Variants in CPNE4 observed in about 807,000 individuals in gnomAD.
The protein encoded by CPNE4 is copine 4, also known as copine-4.
Under a neutral mutation model 67.9 loss-of-function variants are expected in CPNE4, and 25 were observed. The ratio of observed to expected loss-of-function variants is 0.37; its 90% confidence interval spans 0.27 to 0.51. The LOEUF (loss-of-function observed/expected upper bound fraction) is 0.51. CPNE4 is among the 20% of genes least tolerant of loss of function. The pLI is 0.93. For synonymous variants in CPNE4, 242 were observed against 244.9 expected, an observed-to-expected ratio of 0.99 and a Z score of 0.11; for missense variants, 464 against 690.8, an observed-to-expected ratio of 0.67 and a Z score of 3.68.
Position 132,034,972 on chromosome 3 carries a change from G to C in CPNE4, c.-407C>G. 1.0e-6 allele frequency: 1 copy of C among 985,568 alleles called. No individual in the cohort carries two copies. The highest frequency in any genetic ancestry group is 1.2e-6 in the Non-Finnish European group (1 of 830,128). The allele number at this position is 985,568 out of a possible 1,614,324, so 61.1% of individuals were successfully genotyped here. On this transcript the variant is annotated 5_prime_UTR_variant, in exon 1 of 16. Coordinates refer to ENST00000429747, the MANE Select transcript of CPNE4 (RefSeq NM_130808.3). ...AAAGAGAAGGGGACGAGCGGGTGGC[G>C]GGGAGATGGCAGCTTCTCACAGAGA...
At chr3:131,681,550 A>T (rs2080756134) in intron 6 of CPNE4, among the ~76,000 whole-genome samples, 1 of 152,038 alleles carries the variant, frequency 6.6e-6, no homozygotes. Context: ...TATTCCTTTT[A>T]GGATATTTTC....
At chr3:131,568,439 G>C (rs2107671681) in intron 10 of CPNE4, among the ~76,000 whole-genome samples, 1 of 152,108 alleles carries the variant, frequency 6.6e-6, no homozygotes, top group South Asian at 2.1e-4. Flanking sequence ...TCAGTGTGTG[G>C]AGGTGGCTAC....
chr3:131,894,100 A>G (rs2088225491), intron 2 of CPNE4, among the ~76,000 whole-genome samples: 1 of 151,926 alleles, frequency 6.6e-6, no homozygotes, highest in Non-Finnish European at 1.5e-5. Flanking sequence ...ACGACAACAA[A>G]TTTGATAACA....
chr3:132,008,324 G>C (rs532425924), intron 1 of CPNE4, among the ~76,000 whole-genome samples: 2 of 152,016 alleles, frequency 1.3e-5, no homozygotes, highest in Non-Finnish European at 2.9e-5. Context: ...TTTTATTTAA[G>C]GTTCATATGA....
chr3:132,008,210 A>G (rs1170284014), intron 1 of CPNE4, among the ~76,000 whole-genome samples: 1 of 152,186 alleles, frequency 6.6e-6, no homozygotes, highest in East Asian at 1.9e-4. Flanking sequence ...TGAAAAAAAT[A>G]CCCACACCCA....
At chr3:131,891,122 A>T (rs1226486853) in intron 2 of CPNE4, among the ~76,000 whole-genome samples, 2 of 152,062 alleles carry the variant, frequency 1.3e-5, no homozygotes, top group African/African-American at 4.8e-5. Flanking sequence ...CAAAAACCCA[A>T]AGAGACACAA....
chr3:131,625,718 C>G (rs528115546), intron 7 of CPNE4, among the ~76,000 whole-genome samples: 4 of 152,084 alleles, frequency 2.6e-5, no homozygotes, highest in Non-Finnish European at 5.9e-5. Flanking sequence ...TTATATATAT[C>G]TATAAAGGTT....
At chr3:131,698,508 T>C (rs1398188564) in intron 4 of CPNE4, among the ~76,000 whole-genome samples, 1 of 151,524 alleles carries the variant, frequency 6.6e-6, no homozygotes, top group Non-Finnish European at 1.5e-5. Context: ...AGCTTTAACA[T>C]GACAGTGTCA....
intron 2 of CPNE4, among the ~76,000 whole-genome samples, chr3:131,789,005 G>GAAAC: frequency 7.5e-6 from 1 of 133,746 alleles, no homozygotes; most frequent in East Asian, 2.3e-4. Context: ...AACTCAACCA[G>GAAAC]ACACACACAC....
At chr3:131,788,851 TACAC>T (rs1264646247) in intron 2 of CPNE4, among the ~76,000 whole-genome samples, 1 of 152,054 alleles carries the variant, frequency 6.6e-6, no homozygotes, top group South Asian at 2.1e-4. Flanking sequence ...TATTTATACA[TACAC>T]ACATATATAT....
intron 7 of CPNE4, among the ~76,000 whole-genome samples, chr3:131,659,781 G>C (rs1271936794): frequency 6.6e-6 from 1 of 152,088 alleles, no homozygotes; most frequent in Non-Finnish European, 1.5e-5. Flanking sequence ...GAGTCAGAAA[G>C]AATCGCTTAG....
intron 1 of CPNE4, among the ~76,000 whole-genome samples, chr3:131,981,596 A>T (rs1006653994): frequency 6.6e-6 from 1 of 152,096 alleles, no homozygotes; most frequent in Admixed American, 6.5e-5. Context: ...CCCTCCCCCG[A>T]GTTCTGGCCA....
chr3:131,561,585 TGACCTG>T (rs1936768270), intron 11 of CPNE4, among the ~76,000 whole-genome samples: 1 of 152,118 alleles, frequency 6.6e-6, no homozygotes, highest in African/African-American at 2.4e-5. Flanking sequence ...CACCTCATAA[TGACCTG>T]GTAGCAATGA....
At chr3:131,673,099 C>T (rs2080466380) in intron 6 of CPNE4, among the ~76,000 whole-genome samples, 1 of 151,980 alleles carries the variant, frequency 6.6e-6, no homozygotes, top group Non-Finnish European at 1.5e-5. Flanking sequence ...AGAGACTATC[C>T]TTTCCATAAT....
intron 2 of CPNE4, among the ~76,000 whole-genome samples, chr3:131,903,808 C>T (rs1407213568): frequency 6.6e-6 from 1 of 152,070 alleles, no homozygotes; most frequent in East Asian, 1.9e-4. Flanking sequence ...CAAGTTCTTG[C>T]TCCAAAAAAT....
chr3:131,636,465 A>T (rs980305183), intron 7 of CPNE4, among the ~76,000 whole-genome samples: 1 of 152,082 alleles, frequency 6.6e-6, no homozygotes, highest in Non-Finnish European at 1.5e-5. Context: ...CCACACCCCC[A>T]TCACCCACAG....
At chr3:131,875,509 T>G (rs1367924587) in intron 2 of CPNE4, among the ~76,000 whole-genome samples, 1 of 152,052 alleles carries the variant, frequency 6.6e-6, no homozygotes, top group Non-Finnish European at 1.5e-5. Flanking sequence ...CCATAAAAAA[T>G]GATGAGTTCA....
At chr3:131,573,460 G>A (rs1444752731) in intron 10 of CPNE4, among the ~76,000 whole-genome samples, 1 of 152,068 alleles carries the variant, frequency 6.6e-6, no homozygotes, top group Non-Finnish European at 1.5e-5. Context: ...AACACTTTAG[G>A]TTGGGGTTCA....
chr3:131,836,018 A>G (rs1444651707), intron 2 of CPNE4, among the ~76,000 whole-genome samples: 1 of 152,212 alleles, frequency 6.6e-6, no homozygotes, highest in Non-Finnish European at 1.5e-5. Context: ...GAAGTGACCT[A>G]TGCAGGAAAC....
Sources: gnomAD v4.1 joint callset for allele counts (sites outside exome capture counted in the v4.1 genomes callset) on GRCh38, gnomAD v4.1.1 for gene constraint, MANE v1.5 for transcripts, NCBI Gene and HGNC (gene_info 2026-07-23, HGNC 2026-07-21) for gene names.